The following ERO1A variants were observed in gnomAD, a reference collection of about 807,000 sequenced individuals.
ERO1A encodes endoplasmic reticulum oxidoreductase 1 alpha, also known as ERO1-like protein alpha.
A neutral mutation model predicts 76.9 loss-of-function variants in ERO1A; 49 were observed. The ratio of observed to expected loss-of-function variants is 0.64; its 90% CI spans 0.51 to 0.81. The LOEUF (loss-of-function observed/expected upper bound fraction) is 0.81, where lower values mean the gene tolerates loss of function less well. ERO1A is among the 30% of genes least tolerant of loss of function. The probability of loss-of-function intolerance (pLI) is 0.00; values close to 1 mark genes in which losing one functional copy is unlikely to be tolerated. For missense variants in ERO1A, 448 were observed against 542.1 expected (o/e 0.83, Z 1.72); for synonymous variants, 174 against 181.2 (o/e 0.96, Z 0.32).
At position 52,666,426 on chromosome 14, in the gene ERO1A, C is replaced by G. The variant is rs369628477; in HGVS notation, c.578G>C (p.Gly193Ala). The change falls in exon 7 of 16, where the codon GGA becomes GCA. Residue 193 changes from glycine (G) to alanine (A), a missense_variant. Gly to Ala is a moderately conservative substitution (Grantham distance 60). Around this residue, in one of 2 missense-constraint regions of ERO1A, gnomAD observed 302 missense variants for 411.9 expected, o/e 0.73. Coordinates refer to ENST00000395686, the MANE Select transcript of ERO1A (RefSeq NM_014584.3). ...LNPERYTGYKGPDAWKIWNVI... is the reference protein window; with the variant it reads ...LNPERYTGYKAPDAWKIWNVI... Reference sequence around the variant, plus strand: ...ATTCCATATTTTCCAAGCATCTGGTCCCTTGTAACCAGTGTAGCGCTCAGG... The same window carrying G: ...ATTCCATATTTTCCAAGCATCTGGTGCCTTGTAACCAGTGTAGCGCTCAGG... 2 of 1,610,336 alleles carry G rather than the reference C, an allele frequency of 1.2e-6. No homozygotes were observed. Among genetic ancestry groups the G allele is most frequent in the Non-Finnish European group, 1.7e-6 (2 of 1,177,976 alleles).
rs776379394 is a variant in ERO1A at position 52,666,532 on chromosome 14, C to A, written c.509-37G>T. ...AATGTCTTATTAAACCTTTCTTATC[C>A]TCAGTTACCTTAAAAAGCTACTACA... On this transcript the variant is annotated intron_variant, in intron 6 of 15. Transcript: ENST00000395686. 4.5e-6 allele frequency: 7 copies of A among 1,564,404 alleles called. No individual in the cohort carries two copies. In the South Asian group the frequency reaches 5.9e-5, roughly 13 times the overall value.
At chr14:52,664,164 T>C (rs1367454519) in intron 7 of ERO1A, 2 of 171,628 alleles carry the variant, frequency 1.2e-5, no homozygotes, top group African/African-American at 2.4e-5. Context: ...TATATACATA[T>C]CTATGTATAT....
chr14:52,686,874 CA>C (rs5808687), intron 1 of ERO1A, among the ~76,000 whole-genome samples: 217 of 134,518 alleles, frequency 1.6e-3, no homozygotes, highest in Middle Eastern at 3.7e-3. Flanking sequence ...GACTCCATCT[CA>C]AAAAAAAAAA....
intron 13 of ERO1A, among the ~76,000 whole-genome samples, chr14:52,648,039 A>G (rs1467060119): frequency 6.6e-6 from 1 of 152,224 alleles, no homozygotes; most frequent in Non-Finnish European, 1.5e-5. Context: ...TGTGACTTTC[A>G]AACAGCTGTA....
At chr14:52,670,926 G>A (rs1250801626) in intron 6 of ERO1A, among the ~76,000 whole-genome samples, 1 of 152,078 alleles carries the variant, frequency 6.6e-6, no homozygotes, top group Non-Finnish European at 1.5e-5. Flanking sequence ...ACAGTGTTGT[G>A]AAACCATCAC....
chr14:52,667,838 C>T (rs1389885147), intron 6 of ERO1A, among the ~76,000 whole-genome samples: 1 of 151,760 alleles, frequency 6.6e-6, no homozygotes, highest in South Asian at 2.1e-4. Context: ...AAAAAGTGGA[C>T]AAAAACGGTC....
At chr14:52,676,813 C>G (rs897660060) in intron 4 of ERO1A, among the ~76,000 whole-genome samples, 3 of 148,924 alleles carry the variant, frequency 2.0e-5, no homozygotes, top group Non-Finnish European at 3.0e-5. Flanking sequence ...GGTGGGTGAA[C>G]AGCTTGAGTC....
chr14:52,656,487 G>T (rs1373924520), intron 11 of ERO1A, among the ~76,000 whole-genome samples: 1 of 152,052 alleles, frequency 6.6e-6, no homozygotes, highest in Non-Finnish European at 1.5e-5. Context: ...AAGGCGGGTG[G>T]ATCACCTGAG....
chr14:52,644,504 AT>A (rs1381770619), intron 15 of ERO1A, among the ~76,000 whole-genome samples: 3 of 152,232 alleles, frequency 2.0e-5, no homozygotes, highest in African/African-American at 4.8e-5. Flanking sequence ...CTCCCTTAAT[AT>A]TAAAGTATAT....
intron 4 of ERO1A, among the ~76,000 whole-genome samples, chr14:52,673,297 C>T (rs1299059355): frequency 1.3e-5 from 2 of 151,996 alleles, no homozygotes; most frequent in Non-Finnish European, 2.9e-5. Context: ...ACCATGTTGC[C>T]CAGGCTGGTC....
intron 6 of ERO1A, among the ~76,000 whole-genome samples, chr14:52,669,005 T>C (rs543244823): frequency 6.6e-6 from 1 of 152,186 alleles, no homozygotes; most frequent in Non-Finnish European, 1.5e-5. Context: ...TATCCAGCCC[T>C]AGAAGCAGAA....
intron 1 of ERO1A, among the ~76,000 whole-genome samples, chr14:52,688,149 G>A (rs1242455667): frequency 6.6e-6 from 1 of 151,722 alleles, no homozygotes; most frequent in African/African-American, 2.4e-5. Flanking sequence ...TCATGCCAAT[G>A]TACTCCAGCC....
chr14:52,666,823 C>G (rs755658218), intron 6 of ERO1A, among the ~76,000 whole-genome samples: 2 of 152,036 alleles, frequency 1.3e-5, no homozygotes, highest in African/African-American at 2.4e-5. Context: ...CCCAGCTACT[C>G]GAGAGGCTGC....
chr14:52,662,367 AT>A, intron 8 of ERO1A, among the ~76,000 whole-genome samples: 1 of 152,312 alleles, frequency 6.6e-6, no homozygotes, highest in South Asian at 2.1e-4. Context: ...AAGATTTTTC[AT>A]TCCTAATCTA....
At position 52,695,455 on chromosome 14, in the gene ERO1A, A is replaced by G; in HGVS notation, c.27T>C (p.Phe9=). 3 of 1,544,216 alleles carry G rather than the reference A, an allele frequency of 1.9e-6. No homozygotes were observed. Among genetic ancestry groups the G allele is most frequent in the Non-Finnish European group, 2.6e-6 (3 of 1,144,894 alleles). The change falls in exon 1 of 16, where the codon TTT becomes TTC. Residue 9 remains phenylalanine, a synonymous_variant. Transcript: ENST00000395686. ...GCAGCCACACGGCGCCCAGGAGGCC[A>G]AACAAGAATCCCCAGCCGCGGCCCA... MGRGWGFL[F]GLLGAVWLLS... is the part of the protein sequence containing the mutation.
chr14:52,648,954 G>C (rs1485897351), intron 13 of ERO1A, among the ~76,000 whole-genome samples: 1 of 152,054 alleles, frequency 6.6e-6, no homozygotes, highest in Non-Finnish European at 1.5e-5. Context: ...AAATTTACTA[G>C]ATCAAATTAG....
At chr14:52,649,603 A>T (rs531710382) in intron 13 of ERO1A, among the ~76,000 whole-genome samples, 2 of 152,268 alleles carry the variant, frequency 1.3e-5, no homozygotes, top group South Asian at 4.1e-4. Flanking sequence ...GCATGATTTA[A>T]AAAGAGCTGA....
intron 9 of ERO1A, among the ~76,000 whole-genome samples, chr14:52,659,274 T>G (rs1417142364): frequency 6.6e-6 from 1 of 152,162 alleles, no homozygotes; most frequent in Non-Finnish European, 1.5e-5. Context: ...AATTGTTTGG[T>G]CTTACGGGCA....
intron 4 of ERO1A, among the ~76,000 whole-genome samples, chr14:52,677,700 T>G (rs180989534): frequency 6.6e-6 from 1 of 151,424 alleles, no homozygotes; most frequent in East Asian, 2.0e-4. Flanking sequence ...CTCTACAGAA[T>G]TTTTTTCTTA....
Sources: allele counts gnomAD v4.1 joint callset (sites outside exome capture counted in the v4.1 genomes callset), GRCh38; gene constraint gnomAD v4.1.1; regional missense constraint gnomAD v4.1.1; transcripts MANE v1.5; gene names NCBI Gene and HGNC (gene_info 2026-07-23, HGNC 2026-07-21).